The following LOC122539214 variants were observed in gnomAD, a reference collection of about 807,000 sequenced individuals.
the LOC122539214 span, among the ~76,000 whole-genome samples, chr19:52,677,011 C>T: frequency 1.4e-5 from 2 of 146,974 alleles, no homozygotes; most frequent in East Asian, 4.0e-4. Flanking sequence ...GGGTCCTCTG[C>T]CTAGGAAAAC....
At chr19:52,680,644 G>C in the LOC122539214 span, among the ~76,000 whole-genome samples, 1 of 112,862 alleles carries the variant, frequency 8.9e-6, no homozygotes, top group Non-Finnish European at 1.6e-5. Context: ...ACGGAGTCTC[G>C]CTCTGTCGCC....
At chr19:52,682,060 C>T in the LOC122539214 span, among the ~76,000 whole-genome samples, 1 of 152,038 alleles carries the variant, frequency 6.6e-6, no homozygotes, top group South Asian at 2.1e-4. Flanking sequence ...CTTGGCCAGG[C>T]TGGTATTGAA....
chr19:52,675,139 C>T, the LOC122539214 span, among the ~76,000 whole-genome samples: 1 of 152,236 alleles, frequency 6.6e-6, no homozygotes. Flanking sequence ...AGAATCTGTA[C>T]TATAAAGCTT....
At chr19:52,661,355 C>CCA in the LOC122539214 span, among the ~76,000 whole-genome samples, 2 of 152,110 alleles carry the variant, frequency 1.3e-5, no homozygotes, top group Non-Finnish European at 2.9e-5. Flanking sequence ...CTGAAAATGT[C>CCA]CACACACACG....
the LOC122539214 span, among the ~76,000 whole-genome samples, chr19:52,668,134 G>A: frequency 6.6e-6 from 1 of 152,156 alleles, no homozygotes; most frequent in South Asian, 2.1e-4. Context: ...ACAGGCGCCA[G>A]CTTCGGAGTT....
the LOC122539214 span, chr19:52,653,168 G>A: frequency 3.0e-4 from 451 of 1,493,000 alleles, 1 homozygote; most frequent in Middle Eastern, 2.3e-3. Context: ...CCGGTATGAA[G>A]TCTACGATGG....
the LOC122539214 span, among the ~76,000 whole-genome samples, chr19:52,675,584 G>A: frequency 4.0e-3 from 608 of 152,192 alleles, 1 homozygote; most frequent in African/African-American, 0.014. Flanking sequence ...CAGTGAGAGT[G>A]GTGTTGGAGG....
chr19:52,680,838 T>C, the LOC122539214 span, among the ~76,000 whole-genome samples: 1 of 150,662 alleles, frequency 6.6e-6, no homozygotes. Context: ...GGTCTCGATC[T>C]CCTGACCTCG....
chr19:52,685,110 A>C, the LOC122539214 span, among the ~76,000 whole-genome samples: 1 of 152,094 alleles, frequency 6.6e-6, no homozygotes, highest in Non-Finnish European at 1.5e-5. Context: ...TTAAAATTCT[A>C]GTTACAACTG....
the LOC122539214 span, chr19:52,654,543 C>A: frequency 2.3e-6 from 1 of 435,384 alleles, no homozygotes; most frequent in Admixed American, 4.1e-5. Flanking sequence ...TTAAGAACAC[C>A]CTGTCTCTAT....
At chr19:52,656,459 A>G in the LOC122539214 span, among the ~76,000 whole-genome samples, 1 of 152,116 alleles carries the variant, frequency 6.6e-6, no homozygotes, top group Non-Finnish European at 1.5e-5. Context: ...CTGGAGGCAG[A>G]GGTTGTGGTA....
chr19:52,676,311 G>A, the LOC122539214 span, among the ~76,000 whole-genome samples: 4 of 152,176 alleles, frequency 2.6e-5, no homozygotes, highest in African/African-American at 7.2e-5. Context: ...GGAGTGCAGT[G>A]GCCTGATCTC....
At chr19:52,685,653 T>C in the LOC122539214 span, among the ~76,000 whole-genome samples, 6 of 151,816 alleles carry the variant, frequency 4.0e-5, no homozygotes, top group African/African-American at 1.5e-4. Flanking sequence ...TCCCAGCACA[T>C]TGGGAGGTCG....
the LOC122539214 span, among the ~76,000 whole-genome samples, chr19:52,690,265 A>G: frequency 6.6e-6 from 1 of 151,908 alleles, no homozygotes; most frequent in Non-Finnish European, 1.5e-5. Context: ...GATGGGACCA[A>G]CCTCAGGGCG....
At chr19:52,653,122 G>A in the LOC122539214 span, 1 of 1,461,272 alleles carries the variant, frequency 6.8e-7, no homozygotes, top group Admixed American at 1.7e-5. Context: ...TCGAGCAAAG[G>A]TCTTGCCACA....
the LOC122539214 span, among the ~76,000 whole-genome samples, chr19:52,655,987 T>A: frequency 6.6e-6 from 1 of 151,508 alleles, no homozygotes; most frequent in East Asian, 1.9e-4. Flanking sequence ...GAGGTGGGTG[T>A]ATCAACTGAG....
the LOC122539214 span, among the ~76,000 whole-genome samples, chr19:52,667,309 T>C: frequency 1.3e-5 from 2 of 150,820 alleles, no homozygotes; most frequent in African/African-American, 4.9e-5. Context: ...ATAAATCAAA[T>C]GGTGGTTTAA....
the LOC122539214 span, among the ~76,000 whole-genome samples, chr19:52,668,172 T>C: frequency 6.6e-6 from 1 of 152,096 alleles, no homozygotes; most frequent in African/African-American, 2.4e-5. Context: ...GGCCTGGGGA[T>C]GACGTTCTCA....
the LOC122539214 span, among the ~76,000 whole-genome samples, chr19:52,661,627 T>C: frequency 1.3e-5 from 2 of 152,152 alleles, no homozygotes; most frequent in Admixed American, 6.5e-5. Context: ...AGAAACCTAA[T>C]GTGAAGTCAG....
Sources: allele counts gnomAD v4.1 joint callset (sites outside exome capture counted in the v4.1 genomes callset), GRCh38; gene constraint gnomAD v4.1.1; transcripts MANE v1.5.